The following GABBR2 variants were observed in gnomAD, a reference collection of about 807,000 sequenced individuals.
The protein encoded by GABBR2 is gamma-aminobutyric acid type B receptor subunit 2.
GABBR2 carries 23 observed loss-of-function variants against 105.6 expected under a neutral mutation model. The ratio of observed to expected loss-of-function variants is 0.22; its 90% confidence interval spans 0.16 to 0.31. The LOEUF (loss-of-function observed/expected upper bound fraction) is 0.31. GABBR2 is among the 10% of genes least tolerant of loss of function. GABBR2 has a pLI of 1.00. For synonymous variants in GABBR2, 478 were observed against 499.7 expected (o/e 0.96, Z 0.58); for missense variants, 734 against 1,245.5 (o/e 0.59, Z 6.18).
At chr9:98,302,793 G>A (rs1460069155) in intron 16 of GABBR2, 1 of 156,094 alleles carries the variant, frequency 6.4e-6, no homozygotes, top group Admixed American at 6.4e-5. Context: ...ACAAAGGCGA[G>A]GTCTGCTGCA....
At chr9:98,674,634 TGAGATGCCCACACAGGA>T (rs1830451937) in intron 1 of GABBR2, among the ~76,000 whole-genome samples, 1 of 151,812 alleles carries the variant, frequency 6.6e-6, no homozygotes, top group African/African-American at 2.4e-5. Flanking sequence ...ATGAAAGAGG[TGAGATGCCCACACAGGA>T]GAGTCCATGA....
chr9:98,531,148 A>G (rs551820185), intron 3 of GABBR2, among the ~76,000 whole-genome samples: 1 of 152,226 alleles, frequency 6.6e-6, no homozygotes, highest in African/African-American at 2.4e-5. Flanking sequence ...ATATTTATCT[A>G]ATATCACATG....
intron 3 of GABBR2, among the ~76,000 whole-genome samples, chr9:98,539,228 C>T (rs1359153092): frequency 2.0e-5 from 3 of 152,228 alleles, no homozygotes; most frequent in Non-Finnish European, 4.4e-5. Context: ...AAAATGGGAA[C>T]CATCACTCCT....
chr9:98,534,991 GATGA>G (rs2131731842), intron 3 of GABBR2, among the ~76,000 whole-genome samples: 1 of 152,330 alleles, frequency 6.6e-6, no homozygotes, highest in Non-Finnish European at 1.5e-5. Context: ...TCCTTCAGCA[GATGA>G]ATGGATAAAC....
At chr9:98,621,933 A>T (rs1219292054) in intron 1 of GABBR2, among the ~76,000 whole-genome samples, 1 of 152,102 alleles carries the variant, frequency 6.6e-6, no homozygotes, top group Non-Finnish European at 1.5e-5. Flanking sequence ...AAAATGCACA[A>T]TTTTTTAATC....
intron 7 of GABBR2, among the ~76,000 whole-genome samples, chr9:98,442,404 T>A (rs1826048628): frequency 6.6e-6 from 1 of 152,308 alleles, no homozygotes; most frequent in African/African-American, 2.4e-5. Context: ...GAGGAGAGCT[T>A]TTATAGGTGT....
rs140484246 is a variant in GABBR2, at chr9:98,413,661, C to T, written c.1237-7520G>A. Among the ~76,000 whole-genome samples the T allele has an allele frequency of 9.3e-3, 1,422 of 152,260 alleles. 9 individuals carry two copies. Among genetic ancestry groups the T allele is most frequent in the Non-Finnish European group, 0.015 (1,054 of 68,006 alleles). ...GGTCTGTCCCACTGCCAGCCTTCGG[C>T]GGGTGGACAATAAGGATGCAGGGGC... is the stretch of plus-strand genomic sequence containing the variant. On this transcript the variant is annotated intron_variant, in intron 7 of 18. Transcript: ENST00000259455.
chr9:98,631,458 C>T (rs1829814952), intron 1 of GABBR2, among the ~76,000 whole-genome samples: 1 of 152,188 alleles, frequency 6.6e-6, no homozygotes, highest in African/African-American at 2.4e-5. Context: ...ATTTATTCAA[C>T]ACATTGAGGA....
chr9:98,620,272 C>T (rs186039671), intron 1 of GABBR2, among the ~76,000 whole-genome samples: 10 of 90,148 alleles, frequency 1.1e-4, no homozygotes, highest in African/African-American at 4.0e-4. Flanking sequence ...TCTCTCTCCC[C>T]GCTCCCAGCC....
chr9:98,649,641 G>C (rs984133795), intron 1 of GABBR2, among the ~76,000 whole-genome samples: 1 of 152,136 alleles, frequency 6.6e-6, no homozygotes, highest in South Asian at 2.1e-4. Flanking sequence ...TTAGAAATAA[G>C]ACTCTCCATT....
intron 7 of GABBR2, among the ~76,000 whole-genome samples, chr9:98,417,571 G>A (rs1832710854): frequency 1.3e-5 from 2 of 152,002 alleles, no homozygotes; most frequent in East Asian, 1.9e-4. Flanking sequence ...CCTTCTCTGG[G>A]CCCCAGTTTC....
intron 7 of GABBR2, among the ~76,000 whole-genome samples, chr9:98,414,141 G>T (rs1832642071): frequency 6.6e-6 from 1 of 152,128 alleles, no homozygotes; most frequent in South Asian, 2.1e-4. Flanking sequence ...ATAAATAGAG[G>T]ATTACAAACT....
At chr9:98,573,796 GC>G (rs1375523761) in intron 2 of GABBR2, among the ~76,000 whole-genome samples, 1 of 151,962 alleles carries the variant, frequency 6.6e-6, no homozygotes, top group Non-Finnish European at 1.5e-5. Flanking sequence ...TCCTACTCTT[GC>G]CCCCTGGTGA....
chr9:98,368,908 G>A (rs1160827367), intron 12 of GABBR2, among the ~76,000 whole-genome samples: 5 of 152,214 alleles, frequency 3.3e-5, no homozygotes, highest in African/African-American at 1.2e-4. Flanking sequence ...GTTCATTAGG[G>A]TCAGGGCGGG....
chr9:98,506,632 G>A (rs1403249899), intron 3 of GABBR2, among the ~76,000 whole-genome samples: 2 of 152,212 alleles, frequency 1.3e-5, no homozygotes, highest in Admixed American at 6.5e-5. Flanking sequence ...GGAGAGCTGT[G>A]GTGCTCTGGG....
At chr9:98,492,397 A>G (rs973181555) in intron 4 of GABBR2, among the ~76,000 whole-genome samples, 1 of 128,004 alleles carries the variant, frequency 7.8e-6, no homozygotes, top group African/African-American at 2.7e-5. Flanking sequence ...GAAAACAGAA[A>G]AATTGTGGAG....
chr9:98,466,774 A>G (rs548092246), intron 6 of GABBR2, among the ~76,000 whole-genome samples: 1 of 152,352 alleles, frequency 6.6e-6, no homozygotes, highest in African/African-American at 2.4e-5. Context: ...TGTAACAGAA[A>G]AAACAAATTA....
At chr9:98,545,242 A>G (rs1406173433) in intron 2 of GABBR2, among the ~76,000 whole-genome samples, 1 of 152,186 alleles carries the variant, frequency 6.6e-6, no homozygotes, top group Non-Finnish European at 1.5e-5. Flanking sequence ...TTGGGTTTAC[A>G]ATAGGCTTGG....
In GABBR2 at chr9:98,528,893, A is replaced by C. The variant is rs1828012556; in HGVS notation, c.630+12980T>G. Among the ~76,000 whole-genome samples the C allele has an allele frequency of 5.9e-5, 9 of 152,350 alleles. No individual in the cohort carries two copies. In the South Asian group the frequency reaches 1.9e-3, roughly 32 times the overall value. On this transcript the variant is annotated intron_variant, in intron 3 of 18. Transcript: ENST00000259455. ...ATGTACAAAAGGTTCAAAAATGTGC[A>C]TATGCTATTTCTAGGAATTAACTTC...
Sources: allele counts gnomAD v4.1 joint callset (sites outside exome capture counted in the v4.1 genomes callset), GRCh38; gene constraint gnomAD v4.1.1; transcripts MANE v1.5; gene names NCBI Gene and HGNC (gene_info 2026-07-23, HGNC 2026-07-21).